Variants in CSMD1 observed in about 807,000 individuals in gnomAD.
CSMD1 encodes the protein CUB and sushi domain-containing protein 1.
CSMD1 carries 213 observed loss-of-function variants against 417.5 expected under a neutral mutation model. That is an observed-to-expected ratio of 0.51 (90% CI 0.46 to 0.57). CSMD1 has a LOEUF of 0.57. CSMD1 is among the 20% of genes least tolerant of loss of function. The probability of loss-of-function intolerance (pLI) is 0.00; values close to 1 mark genes in which losing one functional copy is unlikely to be tolerated. For synonymous variants in CSMD1, 2,862 were observed against 1,736.8 expected, an observed-to-expected ratio of 1.65 and a Z score of -16.11; for missense variants, 6,923 against 4,529.7, an observed-to-expected ratio of 1.53 and a Z score of -15.17.
chr8:3,817,487 G>C (rs1563110093), intron 5 of CSMD1, among the ~76,000 whole-genome samples: 1 of 151,772 alleles, frequency 6.6e-6, no homozygotes, highest in African/African-American at 2.4e-5. Flanking sequence ...CACCTCGTTA[G>C]CGAGGATGGT....
At chr8:4,348,696 G>C (rs1016562022) in intron 3 of CSMD1, among the ~76,000 whole-genome samples, 22 of 151,970 alleles carry the variant, frequency 1.4e-4, no homozygotes, top group African/African-American at 4.8e-4. Flanking sequence ...ATCCGCTTAA[G>C]TGAATTTTAT....
intron 3 of CSMD1, among the ~76,000 whole-genome samples, chr8:4,201,082 G>A (rs755385135): frequency 7.2e-5 from 11 of 151,988 alleles, no homozygotes; most frequent in Non-Finnish European, 1.2e-4. Context: ...GATAACCTTG[G>A]GCCAATGTCT....
intron 12 of CSMD1, among the ~76,000 whole-genome samples, chr8:3,428,970 C>T (rs553051476): frequency 5.9e-5 from 9 of 152,214 alleles, no homozygotes; most frequent in South Asian, 2.1e-4. Flanking sequence ...CTCACTTTTA[C>T]GGAGAACCTC....
At chr8:4,227,706 G>T (rs1458664570) in intron 3 of CSMD1, among the ~76,000 whole-genome samples, 1 of 151,974 alleles carries the variant, frequency 6.6e-6, no homozygotes, top group East Asian at 1.9e-4. Flanking sequence ...CACACCTGGA[G>T]ACACACCCTC....
intron 17 of CSMD1, among the ~76,000 whole-genome samples, chr8:3,391,881 T>G (rs911954617): frequency 1.3e-5 from 2 of 152,100 alleles, no homozygotes; most frequent in Non-Finnish European, 2.9e-5. Flanking sequence ...ATGTGAAACA[T>G]GTATGATGAA....
intron 5 of CSMD1, among the ~76,000 whole-genome samples, chr8:3,770,759 G>A (rs544823830): frequency 6.6e-5 from 10 of 151,770 alleles, no homozygotes; most frequent in Admixed American, 3.3e-4. Context: ...TCCATTCCCC[G>A]CCAAACCCAT....
chr8:3,509,293 T>C (rs2117386135), intron 10 of CSMD1, among the ~76,000 whole-genome samples: 1 of 152,210 alleles, frequency 6.6e-6, no homozygotes, highest in East Asian at 1.9e-4. Context: ...AAAATATATT[T>C]AAGCCTTTCC....
At chr8:4,391,098 T>A (rs571746201) in intron 3 of CSMD1, among the ~76,000 whole-genome samples, 1 of 152,192 alleles carries the variant, frequency 6.6e-6, no homozygotes, top group African/African-American at 2.4e-5. Context: ...GGACATAAAC[T>A]GAAGGCAGCC....
intron 1 of CSMD1, among the ~76,000 whole-genome samples, chr8:4,883,375 T>C (rs1416616549): frequency 1.3e-5 from 2 of 152,222 alleles, no homozygotes; most frequent in South Asian, 2.1e-4. Flanking sequence ...TTTTAAATAA[T>C]ACGTTTCAGT....
At chr8:4,653,345 G>A (rs925365491) in intron 1 of CSMD1, among the ~76,000 whole-genome samples, 1 of 152,072 alleles carries the variant, frequency 6.6e-6, no homozygotes, top group African/African-American at 2.4e-5. Flanking sequence ...GACTCAAGTA[G>A]GTCATGGCTA....
chr8:4,399,692 C>G (rs1478868658), intron 3 of CSMD1, among the ~76,000 whole-genome samples: 1 of 152,062 alleles, frequency 6.6e-6, no homozygotes, highest in Non-Finnish European at 1.5e-5. Flanking sequence ...AGTACAGAAA[C>G]TCCTTTTGAA....
chr8:3,827,228 C>T lies in CSMD1; in HGVS notation c.819-73186G>A, dbSNP rs942555330. On this transcript the variant is annotated intron_variant, in intron 5 of 69. Coordinates refer to ENST00000635120, the MANE Select transcript of CSMD1 (RefSeq NM_033225.6). ...GTAGGGACAAACTTGTCTTTCATAC[C>T]GACTTTTTCATCAATAGCTAAAATA... Among the ~76,000 whole-genome samples the T allele has an allele frequency of 2.0e-5, 3 of 152,042 alleles. 1 individual carries two copies. Among genetic ancestry groups the T allele is most frequent in the Admixed American group, 1.3e-4 (2 of 15,252 alleles).
At chr8:3,679,071 G>A (rs1014093045) in intron 7 of CSMD1, among the ~76,000 whole-genome samples, 2 of 152,078 alleles carry the variant, frequency 1.3e-5, no homozygotes, top group African/African-American at 2.4e-5. Context: ...ACTAGCCACT[G>A]CAAAAACATG....
chr8:4,387,925 C>T (rs1212455784), intron 3 of CSMD1, among the ~76,000 whole-genome samples: 2 of 152,050 alleles, frequency 1.3e-5, no homozygotes, highest in African/African-American at 4.8e-5. Flanking sequence ...ATATGACTAT[C>T]GAGTAACAAC....
intron 12 of CSMD1, among the ~76,000 whole-genome samples, chr8:3,467,749 T>G (rs926351577): frequency 3.3e-5 from 5 of 152,188 alleles, no homozygotes; most frequent in Admixed American, 1.3e-4. Flanking sequence ...CATGGACTCA[T>G]GACAATGTCC....
chr8:4,871,433 G>A (rs1037885607), intron 1 of CSMD1, among the ~76,000 whole-genome samples: 2 of 152,034 alleles, frequency 1.3e-5, no homozygotes, highest in Non-Finnish European at 2.9e-5. Flanking sequence ...CAGTACAGTG[G>A]CAATTCCCGC....
intron 3 of CSMD1, among the ~76,000 whole-genome samples, chr8:4,068,105 A>T (rs1257001234): frequency 1.3e-5 from 2 of 152,186 alleles, no homozygotes; most frequent in East Asian, 3.9e-4. Flanking sequence ...AAAAAAAGGG[A>T]CACAACAGTG....
chr8:4,278,884 G>T (rs1425745433), intron 3 of CSMD1, among the ~76,000 whole-genome samples: 2 of 152,136 alleles, frequency 1.3e-5, no homozygotes, highest in Non-Finnish European at 2.9e-5. Flanking sequence ...GTAATAAAGG[G>T]AGACTGCTAG....
intron 5 of CSMD1, among the ~76,000 whole-genome samples, chr8:3,945,890 G>A (rs143175754): frequency 1.3e-5 from 2 of 152,000 alleles, no homozygotes; most frequent in African/African-American, 2.4e-5. Context: ...ACATAAGAAC[G>A]TACTGACTAT....
Sources: gnomAD v4.1 joint callset for allele counts (sites outside exome capture counted in the v4.1 genomes callset) on GRCh38, gnomAD v4.1.1 for gene constraint, MANE v1.5 for transcripts, NCBI Gene and HGNC (gene_info 2026-07-23, HGNC 2026-07-21) for gene names.